The following CKAP5 variants were observed in gnomAD, a reference collection of about 807,000 sequenced individuals.
CKAP5 encodes cytoskeleton associated protein 5.
Under a neutral mutation model 232.8 loss-of-function variants are expected in CKAP5, and 27 were observed. The ratio of observed to expected loss-of-function variants is 0.12; its 90% CI spans 0.09 to 0.16. The LOEUF is 0.16. Among genes scored for constraint, CKAP5 ranks in the 10% least tolerant of loss-of-function variants. CKAP5 has a pLI of 1.00. For missense variants in CKAP5, 1,838 were observed against 2,424.7 expected, an observed-to-expected ratio of 0.76 and a Z score of 5.08; for synonymous variants, 785 against 841.1, an observed-to-expected ratio of 0.93 and a Z score of 1.16.
chr11:46,825,888 G>A (rs1335088810), intron 1 of CKAP5, among the ~76,000 whole-genome samples: 2 of 152,032 alleles, frequency 1.3e-5, no homozygotes, highest in African/African-American at 4.8e-5. Flanking sequence ...GAAAACTTAA[G>A]ATTTTTATTA....
At chr11:46,843,187 G>A (rs1291575468) in intron 1 of CKAP5, among the ~76,000 whole-genome samples, 3 of 152,086 alleles carry the variant, frequency 2.0e-5, no homozygotes, top group Non-Finnish European at 4.4e-5. Context: ...TGTAAGTCAG[G>A]AGGCAGATTA....
rs1008949566 is a variant in CKAP5, at chr11:46,810,906, G to C, written c.630+101C>G. 5 of 1,106,874 alleles carry C rather than the reference G, an allele frequency of 4.5e-6. No individual in the cohort carries two copies. The Admixed American group carries it at 1.1e-4, about 24-fold the overall frequency. 68.6% of individuals were successfully genotyped at this position (1,106,874 alleles called of 1,614,324 possible). On this transcript the variant is annotated intron_variant, in intron 5 of 43. Transcript: ENST00000529230. The stretch of plus-strand genomic sequence containing the variant: ...AAAAGCTGATTTCAAAATTAAGAAT[G>C]TAAAATAATTATTTTTAAGGACAGA...
chr11:46,781,467 T>G (rs2065341467), intron 18 of CKAP5, among the ~76,000 whole-genome samples: 1 of 152,148 alleles, frequency 6.6e-6, no homozygotes, highest in African/African-American at 2.4e-5. Flanking sequence ...TTATTCAAAA[T>G]GTTGAGGCCC....
rs533885513 is a variant in CKAP5, at chr11:46,844,507, C to T, written c.-38+1713G>A. Among the ~76,000 whole-genome samples, 5 of 152,338 alleles carry T rather than the reference C, an allele frequency of 3.3e-5. No homozygotes were observed. In the South Asian group the frequency reaches 8.3e-4, roughly 25 times the overall value. On this transcript the variant is annotated intron_variant, in intron 1 of 43. Transcript: ENST00000529230. ...GTAGAAGACTGCGATGGAATTACCA[C>T]ACCCACTGTTCATAATTCAAACATA...
At chr11:46,753,278 C>A in intron 37 of CKAP5, 32 bp downstream of exon 37, 1 of 1,538,902 alleles carries the variant, frequency 6.5e-7, no homozygotes. Flanking sequence ...CGAGGATGCC[C>A]CAGGCTCTAT....
chr11:46,806,754 T>C (rs1939163741), intron 8 of CKAP5, among the ~76,000 whole-genome samples: 1 of 152,216 alleles, frequency 6.6e-6, no homozygotes, highest in Non-Finnish European at 1.5e-5. Context: ...AAAACTTGCT[T>C]ATAATCCCCA....
At chr11:46,830,151 A>C (rs941618730) in intron 1 of CKAP5, among the ~76,000 whole-genome samples, 1 of 151,908 alleles carries the variant, frequency 6.6e-6, no homozygotes, top group Middle Eastern at 3.2e-3. Flanking sequence ...GAAAGATTAG[A>C]ATAGAGTAGG....
intron 4 of CKAP5, among the ~76,000 whole-genome samples, chr11:46,812,512 G>A (rs1447641501): frequency 1.3e-5 from 2 of 152,252 alleles, no homozygotes; most frequent in Non-Finnish European, 2.9e-5. Flanking sequence ...TTCTGTATGA[G>A]TAGTAGGACC....
At chr11:46,772,180 T>G (rs575264876) in intron 24 of CKAP5, among the ~76,000 whole-genome samples, 1 of 152,220 alleles carries the variant, frequency 6.6e-6, no homozygotes, top group South Asian at 2.1e-4. Context: ...TGTTGAGTTT[T>G]CAGAGTTCTT....
intron 38 of CKAP5, among the ~76,000 whole-genome samples, chr11:46,752,193 T>TATATATATATACACACACAC (rs1408030107): frequency 7.5e-5 from 5 of 66,548 alleles, no homozygotes; most frequent in South Asian, 6.7e-4. Context: ...TATATATATA[T>TATATATATATACACACACAC]ACACACACAC....
At chr11:46,766,269 G>A (rs1344113373) in intron 27 of CKAP5, among the ~76,000 whole-genome samples, 1 of 152,158 alleles carries the variant, frequency 6.6e-6, no homozygotes, top group Non-Finnish European at 1.5e-5. Context: ...TGCTTCGTAA[G>A]TTTAAAAAGA....
intron 8 of CKAP5, among the ~76,000 whole-genome samples, chr11:46,807,481 A>G (rs1222222647): frequency 1.3e-5 from 2 of 152,232 alleles, no homozygotes; most frequent in Non-Finnish European, 2.9e-5. Flanking sequence ...TCATATCCAC[A>G]GTGTTTGATC....
chr11:46,841,997 C>CAAA (rs3031699), intron 1 of CKAP5, among the ~76,000 whole-genome samples: 15 of 109,372 alleles, frequency 1.4e-4, no homozygotes, highest in South Asian at 3.0e-4. Flanking sequence ...GACTTTGGTT[C>CAAA]AAAAAAAAAA....
chr11:46,823,431 A>G (rs902328211), intron 1 of CKAP5, among the ~76,000 whole-genome samples: 6 of 152,216 alleles, frequency 3.9e-5, no homozygotes, highest in Admixed American at 6.5e-5. Context: ...AAATCATATG[A>G]AAAAGACAGG....
intron 16 of CKAP5, among the ~76,000 whole-genome samples, chr11:46,788,475 G>A (rs2065418013): frequency 6.6e-6 from 1 of 152,150 alleles, no homozygotes; most frequent in Admixed American, 6.5e-5. Flanking sequence ...TCGGGAGGCT[G>A]AGGCAGGAGA....
intron 42 of CKAP5, among the ~76,000 whole-genome samples, chr11:46,745,091 T>G (rs2065012833): frequency 6.6e-6 from 1 of 152,174 alleles, no homozygotes; most frequent in African/African-American, 2.4e-5. Context: ...AACTGGAGTG[T>G]CTGTAACCCT....
Position 46,753,443 on chromosome 11 carries a change from G to C in CKAP5, c.4924C>G (p.Leu1642Val). 1 of 1,613,870 alleles carries C rather than the reference G, an allele frequency of 6.2e-7. No individual in the cohort carries two copies. Among genetic ancestry groups the C allele is most frequent in the Non-Finnish European group, 8.5e-7 (1 of 1,179,918 alleles). Residue 1642 changes from leucine to valine, a missense_variant, in exon 37 of 44, where the codon CTA becomes GTA. Leu to Val is a conservative substitution (Grantham distance 32). Coordinates refer to ENST00000529230, the MANE Select transcript of CKAP5 (RefSeq NM_001008938.4). Reference sequence around the variant, plus strand: ...ATTAAGGTGATGAGGCCATGCATTAGGTCTTTTAGTACTCCAGTGGAGGCC... The same window carrying C: ...ATTAAGGTGATGAGGCCATGCATTACGTCTTTTAGTACTCCAGTGGAGGCC... ...REASTGVLKD[L>V]MHGLITLMLD...
chr11:46,744,034 T>A lies in CKAP5; in HGVS notation c.6088A>T (p.Ser2030Cys). 6.2e-7 allele frequency: 1 copy of A among 1,612,958 alleles called. No individual in the cohort carries two copies. The highest frequency in any genetic ancestry group is 8.5e-7 in the Non-Finnish European group (1 of 1,180,038). ...GGAGTGGGGCAGCTTCATTTGCGAC[T>A]GCTCTTTATTCTCTCCAGTCTTTTT... ...LKKRLERIKS[S>C]RK The change falls in exon 44 of 44, where the codon AGT becomes TGT. Residue 2030 changes from serine (S) to cysteine (C), a missense_variant. This residue lies in a region of CKAP5 where 62 missense variants were observed against 61.1 expected (regional missense o/e 1.01). Transcript: ENST00000529230.
intron 18 of CKAP5, 63 bp downstream of exon 18, chr11:46,783,211 C>T (rs11038990): frequency 0.086 from 79,874 of 934,120 alleles, 4,105 homozygotes; most frequent in Non-Finnish European, 0.11. Context: ...TTATTATAAA[C>T]AGCACGACTT....
Sources: allele counts gnomAD v4.1 joint callset (sites outside exome capture counted in the v4.1 genomes callset), GRCh38; gene constraint gnomAD v4.1.1; regional missense constraint gnomAD v4.1.1; transcripts MANE v1.5; gene names NCBI Gene and HGNC (gene_info 2026-07-23, HGNC 2026-07-21).